Variants in TRAPPC9 observed in about 807,000 individuals in gnomAD.
TRAPPC9 encodes trafficking protein particle complex subunit 9.
Under a neutral mutation model 124.0 loss-of-function variants are expected in TRAPPC9, and 83 were observed. That is an observed-to-expected ratio of 0.67 (90% CI 0.56 to 0.80). The LOEUF is 0.80. Among genes scored for constraint, TRAPPC9 ranks in the 30% least tolerant of loss-of-function variants. TRAPPC9 has a pLI of 0.00. For missense variants in TRAPPC9, 1,302 were observed against 1,508.3 expected (o/e 0.86, Z 2.27); for synonymous variants, 638 against 617.5 (o/e 1.03, Z -0.49).
At position 140,300,509 on chromosome 8, in the gene TRAPPC9, A is replaced by G; in HGVS notation, c.1728T>C (p.Ile576=). 1 of 1,614,236 alleles carries G rather than the reference A, an allele frequency of 6.2e-7. No homozygotes were observed. The highest frequency in any genetic ancestry group is 8.5e-7 in the Non-Finnish European group (1 of 1,180,040). ...GCTCTTCTCCACGGTTGTGTGCGAT[A>G]ATTGGTGAATAGATGAAAGGACTTT... ...STKSPFIYSP[I]IAHNRGEERN... Residue 576 remains isoleucine (I), a synonymous_variant, in exon 11 of 23, where the codon ATT becomes ATC. Coordinates refer to ENST00000438773, the MANE Select transcript of TRAPPC9 (RefSeq NM_001160372.4).
chr8:139,870,436 G>A (rs1409599217), intron 21 of TRAPPC9, among the ~76,000 whole-genome samples: 3 of 152,180 alleles, frequency 2.0e-5, no homozygotes, highest in Non-Finnish European at 2.9e-5. Flanking sequence ...CATACAGTGC[G>A]ACTCACTCTG....
At chr8:139,920,398 T>C (rs1423710274) in intron 19 of TRAPPC9, among the ~76,000 whole-genome samples, 1 of 152,222 alleles carries the variant, frequency 6.6e-6, no homozygotes, top group East Asian at 1.9e-4. Context: ...CTGCTATTCA[T>C]TTAAAGTCTG....
chr8:139,834,476 G>A (rs1411078334), intron 21 of TRAPPC9, among the ~76,000 whole-genome samples: 1 of 152,230 alleles, frequency 6.6e-6, no homozygotes, highest in Non-Finnish European at 1.5e-5. Flanking sequence ...GAAGGGGGGC[G>A]GGCACAGCTG....
intron 17 of TRAPPC9, among the ~76,000 whole-genome samples, chr8:140,220,182 G>A (rs1473484156): frequency 6.6e-6 from 1 of 152,184 alleles, no homozygotes. Flanking sequence ...GCAGCGCCAG[G>A]GGAGGGTGGT....
chr8:140,371,223 A>T, intron 7 of TRAPPC9, 43 bp from the exon 8 acceptor site: 1 of 1,531,710 alleles, frequency 6.5e-7, no homozygotes, highest in Middle Eastern at 1.7e-4. Context: ...AAAGAAACGT[A>T]TAAGTGAAAA....
chr8:139,752,241 TCCATCCAC>T (rs1386696409), intron 21 of TRAPPC9, among the ~76,000 whole-genome samples: 2 of 148,682 alleles, frequency 1.3e-5, no homozygotes, highest in Non-Finnish European at 3.0e-5. Flanking sequence ...TACCCATCCA[TCCATCCAC>T]CCATCTACCA....
rs1439935452 is a variant in TRAPPC9, at chr8:140,457,693, G to A, written c.-65C>T. Reference sequence around the variant, plus strand: ...AGCCCACGACCTGGCGGGCAGCGGGGCCGAGCAGCCTCTGCGGCCACTTCC... The same window carrying A: ...AGCCCACGACCTGGCGGGCAGCGGGACCGAGCAGCCTCTGCGGCCACTTCC... On this transcript the variant is annotated 5_prime_UTR_variant, in exon 1 of 23. Coordinates refer to ENST00000438773, the MANE Select transcript of TRAPPC9 (RefSeq NM_001160372.4). The A allele has an allele frequency of 9.1e-6, 9 of 987,278 alleles. No homozygotes were observed. The highest frequency in any genetic ancestry group is 5.2e-5 in the African/African-American group (3 of 57,270). The allele number at this position is 987,278 out of a possible 1,614,324, so 61.2% of individuals were successfully genotyped here.
intron 21 of TRAPPC9, among the ~76,000 whole-genome samples, chr8:139,865,788 CAAAGAGTCAAACTCTGTAAAATCTTT>C (rs2131005135): frequency 6.6e-6 from 1 of 152,268 alleles, no homozygotes; most frequent in Non-Finnish European, 1.5e-5. Flanking sequence ...CCTGTTGACC[CAAAGAGTCAAACTCTGTAAAATCTTT>C]AAAGAGATTG....
At chr8:139,803,123 T>C (rs1307146569) in intron 21 of TRAPPC9, among the ~76,000 whole-genome samples, 2 of 152,102 alleles carry the variant, frequency 1.3e-5, no homozygotes, top group African/African-American at 4.8e-5. Context: ...CGTGAATGTG[T>C]ATGTGAAGGT....
At chr8:140,207,754 A>G (rs1345660172) in intron 17 of TRAPPC9, among the ~76,000 whole-genome samples, 1 of 152,238 alleles carries the variant, frequency 6.6e-6, no homozygotes, top group Non-Finnish European at 1.5e-5. Flanking sequence ...ACCTGGGAGA[A>G]TACTGAAGCG....
At chr8:140,354,682 A>G (rs982609023) in intron 9 of TRAPPC9, among the ~76,000 whole-genome samples, 3 of 152,290 alleles carry the variant, frequency 2.0e-5, no homozygotes, top group Non-Finnish European at 4.4e-5. Flanking sequence ...CTTTATTTCA[A>G]TGCAGCAAAA....
At chr8:139,943,682 A>G (rs1834042498) in intron 19 of TRAPPC9, among the ~76,000 whole-genome samples, 1 of 152,234 alleles carries the variant, frequency 6.6e-6, no homozygotes, top group South Asian at 2.1e-4. Context: ...TTCAGGAAAG[A>G]ATAGGAAAAC....
intron 21 of TRAPPC9, among the ~76,000 whole-genome samples, chr8:139,872,260 GTGGA>G (rs755108818): frequency 3.9e-5 from 5 of 128,480 alleles, no homozygotes; most frequent in Non-Finnish European, 6.7e-5. Flanking sequence ...GGTTGGATGA[GTGGA>G]TGGATGGATG....
At chr8:140,217,388 G>A (rs1325218210) in intron 17 of TRAPPC9, among the ~76,000 whole-genome samples, 1 of 152,172 alleles carries the variant, frequency 6.6e-6, no homozygotes, top group African/African-American at 2.4e-5. Flanking sequence ...TAAACTCTGT[G>A]AGGGACTGGA....
intron 21 of TRAPPC9, among the ~76,000 whole-genome samples, chr8:139,860,052 T>C (rs1828030835): frequency 6.6e-6 from 1 of 152,238 alleles, no homozygotes; most frequent in South Asian, 2.1e-4. Context: ...AATGTGAGCT[T>C]TGTGAGAACA....
chr8:139,801,475 C>T (rs1014154652), intron 21 of TRAPPC9, among the ~76,000 whole-genome samples: 3 of 152,188 alleles, frequency 2.0e-5, no homozygotes, highest in South Asian at 2.1e-4. Flanking sequence ...ACACCTGGCC[C>T]CCAAGGAGGC....
intron 17 of TRAPPC9, among the ~76,000 whole-genome samples, chr8:140,024,836 C>A (rs1352318832): frequency 1.5e-5 from 2 of 137,304 alleles, no homozygotes; most frequent in Non-Finnish European, 3.1e-5. Flanking sequence ...CAGGCGGGGG[C>A]GGGGGTGCTT....
intron 21 of TRAPPC9, among the ~76,000 whole-genome samples, chr8:139,754,946 C>A (rs926861475): frequency 6.6e-6 from 1 of 152,238 alleles, no homozygotes; most frequent in Non-Finnish European, 1.5e-5. Flanking sequence ...ACCAGGGAAA[C>A]CCCAGGAGCT....
At chr8:140,190,209 A>G (rs887781900) in intron 17 of TRAPPC9, among the ~76,000 whole-genome samples, 3 of 152,148 alleles carry the variant, frequency 2.0e-5, no homozygotes, top group Admixed American at 2.0e-4. Context: ...TAATCCCAGC[A>G]CTTTGGGAGG....
Sources: gnomAD v4.1 joint callset for allele counts (sites outside exome capture counted in the v4.1 genomes callset) on GRCh38, gnomAD v4.1.1 for gene constraint, MANE v1.5 for transcripts, NCBI Gene and HGNC (gene_info 2026-07-23, HGNC 2026-07-21) for gene names.